MPP7: variants seen among roughly 807,000 people sequenced by gnomAD.
MPP7 encodes the protein MAGUK p55 subfamily member 7.
In MPP7, 60 loss-of-function variants were observed where a neutral mutation model predicts 76.5. That is an observed-to-expected ratio of 0.78 (90% CI 0.64 to 0.97). The LOEUF is 0.97. MPP7 is among the 50% of genes least tolerant of loss of function. The pLI, the probability that MPP7 is intolerant of heterozygous loss-of-function variation, is 0.00. For missense variants in MPP7, 641 were observed against 694.0 expected (o/e 0.92, Z 0.86); for synonymous variants, 237 against 244.5 (o/e 0.97, Z 0.29).
At chr10:28,161,534 T>G (rs572818873) in intron 3 of MPP7, among the ~76,000 whole-genome samples, 2 of 152,206 alleles carry the variant, frequency 1.3e-5, no homozygotes, top group South Asian at 4.2e-4. Flanking sequence ...TACCCCTTGG[T>G]CAGTAAGAAA....
At chr10:28,199,370 G>A (rs546933530) in intron 3 of MPP7, among the ~76,000 whole-genome samples, 9 of 152,054 alleles carry the variant, frequency 5.9e-5, no homozygotes, top group East Asian at 5.8e-4. Flanking sequence ...ATTATTCTTC[G>A]TTTCTATTTA....
chr10:28,131,872 A>C (rs1835205632), intron 5 of MPP7, among the ~76,000 whole-genome samples, 181 bp from the exon 6 acceptor site: 1 of 152,190 alleles, frequency 6.6e-6, no homozygotes, highest in South Asian at 2.1e-4. Context: ...TGGAATGGGA[A>C]ACAGTGCTTG....
chr10:28,124,708 C>G (rs1471075348), intron 7 of MPP7, among the ~76,000 whole-genome samples: 1 of 150,752 alleles, frequency 6.6e-6, no homozygotes, highest in Non-Finnish European at 1.5e-5. Context: ...TGGTATTGAT[C>G]TCCTGACCTC....
chr10:28,262,257 A>ATG (rs1230830947), intron 1 of MPP7, among the ~76,000 whole-genome samples: 2 of 35,744 alleles, frequency 5.6e-5, no homozygotes, highest in Non-Finnish European at 9.2e-5. Flanking sequence ...ATATATATAT[A>ATG]TGTATATATA....
In MPP7 at chr10:28,313,863, TTTTATTTTTTTTA is replaced by T. The variant is rs760688204; in HGVS notation, c.-132+16053_-132+16065del. Among the ~76,000 whole-genome samples, 97 of 34,454 alleles carry T rather than the reference TTTTATTTTTTTTA, an allele frequency of 2.8e-3. 12 individuals are homozygous for T. The highest frequency in any genetic ancestry group is 0.015 in the Middle Eastern group (1 of 68). The allele number at this position is 34,454 out of a possible 152,430, so 22.6% of individuals were successfully genotyped here. A position where few individuals can be genotyped will look rare whatever the true frequency, so the allele number is the denominator to read the frequency against. On this transcript the variant is annotated intron_variant, in intron 2 of 11. Coordinates refer to the MPP7 transcript ENST00000441595. The stretch of plus-strand genomic sequence containing the variant: ...CACTATACCTGGCTAATTTTTTTTT[TTTTATTTTTTTTA>T]TTTTTTTTTGGTAGAGACAGGGTTT...
chr10:28,262,273 ATATATTT>A (rs1344263355), intron 1 of MPP7, among the ~76,000 whole-genome samples: 5 of 54,828 alleles, frequency 9.1e-5, no homozygotes, highest in African/African-American at 2.4e-4. Flanking sequence ...ATATATATAT[ATATATTT>A]TTTTTTTTTT....
chr10:28,151,701 T>C (rs1394436549), intron 3 of MPP7, among the ~76,000 whole-genome samples: 1 of 152,182 alleles, frequency 6.6e-6, no homozygotes, highest in Admixed American at 6.5e-5. Context: ...AGCGGGACCA[T>C]CTCATTTTAC....
chr10:28,279,449 A>G (rs11006981), intron 1 of MPP7, among the ~76,000 whole-genome samples: 2 of 151,876 alleles, frequency 1.3e-5, no homozygotes, highest in African/African-American at 4.8e-5. Flanking sequence ...AGAATTTCGG[A>G]CAGGCGCAGT....
chr10:28,161,275 T>A (rs1836252790), intron 3 of MPP7, among the ~76,000 whole-genome samples: 1 of 152,156 alleles, frequency 6.6e-6, no homozygotes, highest in African/African-American at 2.4e-5. Flanking sequence ...ACTGCTACCA[T>A]CACAGCTGGG....
chr10:28,300,302 G>A (rs1841126471), intron 1 of MPP7, among the ~76,000 whole-genome samples: 1 of 152,146 alleles, frequency 6.6e-6, no homozygotes, highest in Non-Finnish European at 1.5e-5. Context: ...GGGGGAGGGG[G>A]AGAAGTCAAA....
chr10:28,258,887 A>C (rs1028989502), intron 1 of MPP7, among the ~76,000 whole-genome samples: 4 of 152,050 alleles, frequency 2.6e-5, no homozygotes, highest in Non-Finnish European at 5.9e-5. Flanking sequence ...ACAGTGGAAA[A>C]ACAGAAATCC....
At chr10:28,054,638 T>C (rs1391511463) in intron 16 of MPP7, among the ~76,000 whole-genome samples, 2 of 152,176 alleles carry the variant, frequency 1.3e-5, no homozygotes, top group Admixed American at 6.5e-5. Context: ...AAACTCCTTT[T>C]TCAGAGTTGG....
intron 5 of MPP7, among the ~76,000 whole-genome samples, chr10:28,134,702 G>C (rs1835301248): frequency 6.6e-6 from 1 of 151,988 alleles, no homozygotes; most frequent in African/African-American, 2.4e-5. Flanking sequence ...TAGGAACAAG[G>C]AAAGATAAAA....
rs547992670 is a variant in MPP7 at position 28,119,922 on chromosome 10, T to A, written c.888-207A>T. Among the ~76,000 whole-genome samples the A allele has an allele frequency of 1.2e-4, 18 of 152,284 alleles. 1 individual carries two copies. The South Asian group carries it at 3.5e-3, about 30-fold the overall frequency. On this transcript the variant is annotated intron_variant, in intron 10 of 16. Coordinates refer to ENST00000683449, the MANE Select transcript of MPP7 (RefSeq NM_001318170.2). ...CCCTCCAAAACCACTGGTCTTTTTT[T>A]TTTCCACCTTTCATATCAACATGGT...
At chr10:28,226,953 C>A (rs1838712395) in intron 2 of MPP7, among the ~76,000 whole-genome samples, 2 of 152,120 alleles carry the variant, frequency 1.3e-5, no homozygotes, top group Non-Finnish European at 2.9e-5. Context: ...TGCTTGCTAG[C>A]AGGTATTTTA....
At chr10:28,334,680 A>G (rs1834499466), upstream of MPP7, among the ~76,000 whole-genome samples, 1 of 152,156 alleles carries the variant, frequency 6.6e-6, no homozygotes, top group African/African-American at 2.4e-5. Flanking sequence ...TGTTTCTCCC[A>G]GTCTTTTTCT....
intron 13 of MPP7, among the ~76,000 whole-genome samples, chr10:28,064,943 A>G (rs1343007919): frequency 6.6e-6 from 1 of 152,226 alleles, no homozygotes; most frequent in Non-Finnish European, 1.5e-5. Context: ...TACTGAGGGT[A>G]TATAACACGA....
At chr10:28,116,410 A>T (rs1834664970) in intron 11 of MPP7, among the ~76,000 whole-genome samples, 1 of 152,150 alleles carries the variant, frequency 6.6e-6, no homozygotes, top group African/African-American at 2.4e-5. Flanking sequence ...TGTCATGCAA[A>T]AGTACTCCTA....
At chr10:28,210,795 T>G (rs1429941998) in intron 2 of MPP7, among the ~76,000 whole-genome samples, 1 of 152,220 alleles carries the variant, frequency 6.6e-6, no homozygotes, top group Non-Finnish European at 1.5e-5. Context: ...ATGAGAATGC[T>G]TTCAGTACAA....
Sources: allele counts gnomAD v4.1 joint callset (sites outside exome capture counted in the v4.1 genomes callset), GRCh38; gene constraint gnomAD v4.1.1; transcripts MANE v1.5; gene names NCBI Gene and HGNC (gene_info 2026-07-23, HGNC 2026-07-21).